MACROD2: variants seen among roughly 807,000 people sequenced by gnomAD.
MACROD2 encodes ADP-ribose glycohydrolase MACROD2.
Under a neutral mutation model 70.4 loss-of-function variants are expected in MACROD2, and 36 were observed. The ratio of observed to expected loss-of-function variants is 0.51; its 90% CI spans 0.39 to 0.68. MACROD2 has a LOEUF of 0.68. Ranked by LOEUF, MACROD2 falls within the 30% of genes least tolerant of loss-of-function variation. The probability of loss-of-function intolerance (pLI) is 0.00; values close to 1 mark genes in which losing one functional copy is unlikely to be tolerated. For synonymous variants in MACROD2, 172 were observed against 178.8 expected (o/e 0.96, Z 0.30); for missense variants, 496 against 538.4 (o/e 0.92, Z 0.78).
chr20:14,675,747 GAC>G lies in MACROD2; in HGVS notation c.302-9092_302-9091del, dbSNP rs2070852586. On this transcript the variant is annotated intron_variant, in intron 4 of 17. Coordinates refer to ENST00000684519, the MANE Select transcript of MACROD2 (RefSeq NM_001351661.2). ...AACAGGCTAAATGCCCCAATTAAAA[GAC>G]ACAGGCAAATTGGATAGAGTCAAGA... Among the ~76,000 whole-genome samples the G allele has an allele frequency of 2.6e-5, 4 of 151,988 alleles. No homozygotes were observed. In the South Asian group the frequency reaches 8.3e-4, roughly 32 times the overall value.
chr20:15,941,646 T>G (rs944712245), intron 12 of MACROD2, among the ~76,000 whole-genome samples: 1 of 152,212 alleles, frequency 6.6e-6, no homozygotes, highest in Non-Finnish European at 1.5e-5. Flanking sequence ...ATTTTAGAGC[T>G]CTGCAGTTAT....
chr20:15,304,953 C>G (rs891041376), intron 6 of MACROD2, among the ~76,000 whole-genome samples: 1 of 152,196 alleles, frequency 6.6e-6, no homozygotes, highest in Admixed American at 6.5e-5. Context: ...TCTGAGTGCT[C>G]GTTTGCTTAC....
At chr20:15,268,749 A>C (rs2077319620) in intron 6 of MACROD2, among the ~76,000 whole-genome samples, 1 of 152,210 alleles carries the variant, frequency 6.6e-6, no homozygotes, top group Non-Finnish European at 1.5e-5. Context: ...GACTATGAGA[A>C]TCATGGACTC....
At chr20:14,931,744 A>AC (rs1383163559) in intron 5 of MACROD2, among the ~76,000 whole-genome samples, 1 of 110,508 alleles carries the variant, frequency 9.0e-6, no homozygotes, top group Admixed American at 9.6e-5. Context: ...CTGGCGTGTA[A>AC]TCCAGTGCTT....
intron 8 of MACROD2, among the ~76,000 whole-genome samples, chr20:15,558,522 G>A (rs2048198814): frequency 6.6e-6 from 1 of 152,258 alleles, no homozygotes; most frequent in Admixed American, 6.5e-5. Flanking sequence ...CAAAGGTGCT[G>A]GGGTTCCCCC....
intron 6 of MACROD2, among the ~76,000 whole-genome samples, chr20:15,256,739 G>A (rs187402062): frequency 4.6e-5 from 7 of 152,072 alleles, no homozygotes; most frequent in East Asian, 1.9e-4. Flanking sequence ...CATTAACCAC[G>A]GAATTTTTAG....
intron 2 of MACROD2, among the ~76,000 whole-genome samples, chr20:14,027,454 A>G (rs2053186456): frequency 6.6e-6 from 1 of 152,068 alleles, no homozygotes; most frequent in Non-Finnish European, 1.5e-5. Flanking sequence ...TCTGAAGCCT[A>G]CTTCTGTCAA....
chr20:14,338,000 T>C (rs548952833), intron 3 of MACROD2, among the ~76,000 whole-genome samples: 45 of 152,190 alleles, frequency 3.0e-4, no homozygotes, highest in Non-Finnish European at 5.6e-4. Context: ...AAAATCAAAT[T>C]AGTTTTATTA....
intron 3 of MACROD2, among the ~76,000 whole-genome samples, chr20:14,303,112 G>A (rs1051677071): frequency 7.9e-5 from 12 of 152,226 alleles, no homozygotes; most frequent in Admixed American, 7.9e-4. Flanking sequence ...TATATTTATG[G>A]TAAAGGCAGA....
At chr20:14,502,127 G>T (rs1372497180) in intron 4 of MACROD2, among the ~76,000 whole-genome samples, 1 of 152,194 alleles carries the variant, frequency 6.6e-6, no homozygotes, top group Non-Finnish European at 1.5e-5. Flanking sequence ...AAATACTGCA[G>T]GTCAAGCCTG....
At chr20:15,461,495 C>T (rs1227036400) in intron 7 of MACROD2, among the ~76,000 whole-genome samples, 3 of 152,138 alleles carry the variant, frequency 2.0e-5, no homozygotes, top group African/African-American at 7.2e-5. Flanking sequence ...AAGCACTTAA[C>T]AAGGACATAA....
In MACROD2 at chr20:15,499,795, C is replaced by T; in HGVS notation, c.593C>T (p.Ala198Val). The T allele has an allele frequency of 6.2e-7, 1 of 1,613,816 alleles. No individual in the cohort carries two copies. Among genetic ancestry groups the T allele is most frequent in the Non-Finnish European group, 8.5e-7 (1 of 1,179,766 alleles). ...GIYGFPNEPA[A>V]VIALNTIKEW... is the part of the protein sequence containing the mutation. ...CTAGGCTTTCCCAACGAGCCTGCTG[C>T]AGTCATTGCCCTCAACACCATTAAG... The change falls in exon 8 of 18, where the codon GCA becomes GTA. Residue 198 changes from alanine (A) to valine (V), a missense_variant. By Grantham distance (64) the Ala-to-Val change is moderately conservative. Transcript: ENST00000684519.
At chr20:14,844,074 G>C (rs1240886632) in intron 5 of MACROD2, among the ~76,000 whole-genome samples, 2 of 151,942 alleles carry the variant, frequency 1.3e-5, no homozygotes, top group Admixed American at 6.6e-5. Flanking sequence ...AGACTATCCT[G>C]GCCTTCCACC....
At chr20:15,021,768 C>A (rs1316625897) in intron 5 of MACROD2, 1 of 152,014 alleles carries the variant, frequency 6.6e-6, no homozygotes, top group Non-Finnish European at 1.5e-5. Context: ...ATGGTGGATA[C>A]ATGTCATTAT....
chr20:14,837,971 A>C (rs2073048393), intron 5 of MACROD2, among the ~76,000 whole-genome samples: 1 of 151,172 alleles, frequency 6.6e-6, no homozygotes, highest in Non-Finnish European at 1.5e-5. Context: ...AAAACAAAAC[A>C]AACACATGGA....
intron 11 of MACROD2, among the ~76,000 whole-genome samples, chr20:15,934,762 A>G (rs2065632646): frequency 6.6e-6 from 1 of 151,836 alleles, no homozygotes; most frequent in African/African-American, 2.4e-5. Flanking sequence ...CAGTGGTGCA[A>G]TCTCGGTTCA....
At chr20:15,234,012 CTTTTTTTTTTTTTTTTTTT>C (rs1177498607) in intron 6 of MACROD2, among the ~76,000 whole-genome samples, 19 of 29,182 alleles carry the variant, frequency 6.5e-4, no homozygotes, top group Admixed American at 4.6e-3. Flanking sequence ...TATATATATT[CTTTTTTTTTTTTTTTTTTT>C]TTTTTTTTTT....
intron 8 of MACROD2, among the ~76,000 whole-genome samples, chr20:15,519,149 C>T (rs1476330151): frequency 1.3e-5 from 2 of 150,162 alleles, no homozygotes; most frequent in African/African-American, 4.9e-5. Context: ...CTTGCTCTGT[C>T]GCCCAGGCTG....
chr20:14,353,170 G>C (rs953855223), intron 3 of MACROD2, among the ~76,000 whole-genome samples: 1 of 152,070 alleles, frequency 6.6e-6, no homozygotes, highest in African/African-American at 2.4e-5. Flanking sequence ...CATAGTCAGC[G>C]ACCCATGTTT....
Sources: allele counts gnomAD v4.1 joint callset (sites outside exome capture counted in the v4.1 genomes callset), GRCh38; gene constraint gnomAD v4.1.1; transcripts MANE v1.5; gene names NCBI Gene and HGNC (gene_info 2026-07-23, HGNC 2026-07-21).